REPS2: variants seen among roughly 807,000 people sequenced by gnomAD.
REPS2 encodes ralBP1-associated Eps domain-containing protein 2.
In REPS2, 23 loss-of-function variants were observed where a neutral mutation model predicts 53.6. The ratio of observed to expected loss-of-function variants is 0.43; its 90% CI spans 0.31 to 0.61. The LOEUF (loss-of-function observed/expected upper bound fraction) is 0.61, where lower values mean the gene tolerates loss of function less well. Ranked by LOEUF, REPS2 falls within the 20% of genes least tolerant of loss-of-function variation. The pLI is 0.11. For missense variants in REPS2, 446 were observed against 534.9 expected (o/e 0.83, Z 1.64); for synonymous variants, 238 against 218.6 (o/e 1.09, Z -0.78).
chrX:17,077,160 T>A lies in REPS2; in HGVS notation c.1380-111T>A, dbSNP rs1453399648. The A allele has an allele frequency of 4.1e-5, 33 of 796,914 alleles. No individual in the cohort carries two copies. In the East Asian group the frequency reaches 1.1e-3, roughly 26 times the overall value. 65.7% of individuals were successfully genotyped at this position (796,914 alleles called of 1,213,427 possible). A position where few individuals can be genotyped will look rare whatever the true frequency, so the allele number is the denominator to read the frequency against. ...TAGAATTTATGGCTGCTTTGGTAGCTCATCGGTTCTTTGTAGTCACTTTGA... is the reference window on the plus strand; with the variant it reads ...TAGAATTTATGGCTGCTTTGGTAGCACATCGGTTCTTTGTAGTCACTTTGA... On this transcript the variant is annotated intron_variant, in intron 12 of 17. Coordinates refer to ENST00000357277, the MANE Select transcript of REPS2 (RefSeq NM_004726.3).
intron 1 of REPS2, among the ~76,000 whole-genome samples, chrX:16,954,214 C>T (rs1308064701): frequency 1.8e-5 from 2 of 111,561 alleles, no homozygotes; most frequent in Non-Finnish European, 3.8e-5. Context: ...CCCGCCTCAG[C>T]CTCCCAAAGT....
Position 17,047,407 on chromosome X carries a change from A to T in REPS2, c.832A>T (p.Ile278Leu), listed in dbSNP as rs746056126. 6 of 1,209,340 alleles carry T rather than the reference A, an allele frequency of 5.0e-6. No homozygotes were observed. The Admixed American group carries it at 6.6e-5, about 13-fold the overall frequency. ...CAGTTACCCCGACGAACCCTGGAGGATAACAGAAGAACAGCGCGAGTACTA... is the reference window on the plus strand; with the variant it reads ...CAGTTACCCCGACGAACCCTGGAGGTTAACAGAAGAACAGCGCGAGTACTA... ...NSSYPDEPWR[I>L]TEEQREYYVN... is the part of the protein sequence containing the mutation. The change falls in exon 6 of 18, where the codon ATA (isoleucine) becomes TTA (leucine). Residue 278 changes from isoleucine (I) to leucine (L), a missense_variant. Coordinates refer to ENST00000357277, the MANE Select transcript of REPS2 (RefSeq NM_004726.3).
rs2063585544 is a variant in REPS2, at chrX:17,153,208, A to G, written c.*5727A>G. The G allele has an allele frequency of 8.9e-6, 1 of 112,448 alleles. No homozygotes were observed. Among genetic ancestry groups the G allele is most frequent in the Non-Finnish European group, 1.9e-5 (1 of 53,223 alleles). 9.3% of individuals were successfully genotyped at this position (112,448 alleles called of 1,213,427 possible). A position where few individuals can be genotyped will look rare whatever the true frequency, so the allele number is the denominator to read the frequency against. Reference sequence around the variant, plus strand: ...TGAAGAACATAGTTAAAGATCTCCAACTTTGGAAAATATACATGATGTGAA... The same window carrying G: ...TGAAGAACATAGTTAAAGATCTCCAGCTTTGGAAAATATACATGATGTGAA... On this transcript the variant is annotated 3_prime_UTR_variant, in exon 18 of 18. Transcript: ENST00000357277.
intron 5 of REPS2, among the ~76,000 whole-genome samples, chrX:17,040,740 A>G (rs1306349992): frequency 8.9e-6 from 1 of 112,357 alleles, no homozygotes; most frequent in East Asian, 2.8e-4. Flanking sequence ...AGATGAACCT[A>G]TATTACTCAA....
In REPS2 at chrX:16,946,969, G is replaced by C. The variant is rs1278905139; in HGVS notation, c.108G>C (p.Gln36His). 1 of 910,540 alleles carries C rather than the reference G, an allele frequency of 1.1e-6. No individual in the cohort carries two copies. The highest frequency in any genetic ancestry group is 1.4e-6 in the Non-Finnish European group (1 of 740,394). The allele number at this position is 910,540 out of a possible 1,213,427, so 75.0% of individuals were successfully genotyped here. The part of the protein sequence containing the change: ...PPLLLSEGEQ[Q>H]CYSELFARCA... Reference sequence around the variant, plus strand: ...TGCTGCTGAGCGAGGGCGAGCAGCAGTGCTACTCCGAGCTCTTCGCGCGCT... The same window carrying C: ...TGCTGCTGAGCGAGGGCGAGCAGCACTGCTACTCCGAGCTCTTCGCGCGCT... The change falls in exon 1 of 18, where the codon CAG (glutamine) becomes CAC (histidine). Residue 36 changes from glutamine to histidine, a missense_variant. By Grantham distance (24) the Gln-to-His change is conservative. Coordinates refer to ENST00000357277, the MANE Select transcript of REPS2 (RefSeq NM_004726.3).
At chrX:17,078,895 C>T (rs1438071875) in intron 13 of REPS2, among the ~76,000 whole-genome samples, 3 of 112,161 alleles carry the variant, frequency 2.7e-5, no homozygotes, top group East Asian at 5.6e-4. Flanking sequence ...GTTTATGCAT[C>T]TCAGATTCCT....
the REPS2 span, among the ~76,000 whole-genome samples, chrX:17,188,029 G>C: frequency 9.0e-6 from 1 of 111,675 alleles, no homozygotes; most frequent in African/African-American, 3.3e-5. Context: ...TATAAGCGTC[G>C]CTGAGTTCAA....
intron 12 of REPS2, among the ~76,000 whole-genome samples, chrX:17,076,402 C>T (rs987347077): frequency 2.7e-5 from 3 of 111,193 alleles, no homozygotes; most frequent in Admixed American, 9.5e-5. Flanking sequence ...ATTGGGAACC[C>T]GTCCTTAAAC....
At chrX:17,092,830 A>G (rs890157916) in intron 13 of REPS2, among the ~76,000 whole-genome samples, 1 of 102,550 alleles carries the variant, frequency 9.8e-6, no homozygotes, top group Admixed American at 1.1e-4. Context: ...TTTAAATTTC[A>G]CTTTGCATGA....
the REPS2 span, among the ~76,000 whole-genome samples, chrX:17,187,834 C>CA: frequency 8.9e-6 from 1 of 112,417 alleles, no homozygotes; most frequent in Non-Finnish European, 1.9e-5. Context: ...AAGATTTTCT[C>CA]AAAATTGACT....
At chrX:17,115,367 T>C (rs2063035687) in intron 14 of REPS2, among the ~76,000 whole-genome samples, 1 of 112,347 alleles carries the variant, frequency 8.9e-6, no homozygotes, top group Admixed American at 9.4e-5. Context: ...GAGAGCAGTA[T>C]TGTTGCCCGC....
At chrX:17,052,705 A>G (rs1057330807) in intron 7 of REPS2, among the ~76,000 whole-genome samples, 2 of 112,059 alleles carry the variant, frequency 1.8e-5, no homozygotes, top group African/African-American at 6.5e-5. Context: ...CCCCATCTCA[A>G]TCCCTTTTCA....
chrX:17,021,462 A>G (rs772012187), intron 2 of REPS2, among the ~76,000 whole-genome samples: 2 of 112,504 alleles, frequency 1.8e-5, no homozygotes, highest in Non-Finnish European at 3.7e-5. Context: ...TGAAAAGACA[A>G]CCAGAGATTG....
At chrX:16,953,503 C>T (rs1444701594) in intron 1 of REPS2, among the ~76,000 whole-genome samples, 1 of 111,403 alleles carries the variant, frequency 9.0e-6, no homozygotes, top group Non-Finnish European at 1.9e-5. Context: ...TTGAAGATTT[C>T]TTTCTACTTT....
intron 14 of REPS2, among the ~76,000 whole-genome samples, chrX:17,110,196 C>T (rs768541732): frequency 9.0e-6 from 1 of 110,864 alleles, no homozygotes; most frequent in East Asian, 2.8e-4. Context: ...GCATAACATA[C>T]ATACTGAATC....
chrX:17,034,023 G>A (rs1259666177), intron 5 of REPS2, among the ~76,000 whole-genome samples: 3 of 111,622 alleles, frequency 2.7e-5, no homozygotes, highest in Admixed American at 1.9e-4. Context: ...CATTAAGAAC[G>A]TGAAACGTAA....
At chrX:17,013,919 C>T (rs1338677792) in intron 2 of REPS2, among the ~76,000 whole-genome samples, 1 of 111,017 alleles carries the variant, frequency 9.0e-6, no homozygotes. Context: ...AGGGGTCTGT[C>T]CCTCTACCCC....
chrX:17,180,238 C>T, the REPS2 span, among the ~76,000 whole-genome samples: 1 of 110,878 alleles, frequency 9.0e-6, no homozygotes, highest in South Asian at 3.9e-4. Context: ...ATGACCATGT[C>T]TTGTTTTTGA....
intron 13 of REPS2, among the ~76,000 whole-genome samples, chrX:17,097,889 G>A (rs1473591270): frequency 8.9e-6 from 1 of 112,159 alleles, no homozygotes; most frequent in African/African-American, 3.2e-5. Flanking sequence ...AACAATTCAA[G>A]AAGCAGAATC....
Sources: gnomAD v4.1 joint callset for allele counts (sites outside exome capture counted in the v4.1 genomes callset) on GRCh38, gnomAD v4.1.1 for gene constraint, MANE v1.5 for transcripts, NCBI Gene and HGNC (gene_info 2026-07-23, HGNC 2026-07-21) for gene names.